The following CADPS variants were observed in gnomAD, a reference collection of about 807,000 sequenced individuals.
CADPS encodes calcium dependent secretion activator.
In CADPS, 57 loss-of-function variants were observed where a neutral mutation model predicts 167.3. The observed-to-expected ratio is 0.34, with a 90% CI of 0.28 to 0.42. CADPS has a LOEUF of 0.42. CADPS is among the 20% of genes least tolerant of loss of function. The pLI, the probability that CADPS is intolerant of heterozygous loss-of-function variation, is 1.00. For synonymous variants in CADPS, 676 were observed against 635.3 expected, an observed-to-expected ratio of 1.06 and a Z score of -0.96; for missense variants, 1,414 against 1,738.1, an observed-to-expected ratio of 0.81 and a Z score of 3.32.
At chr3:62,407,435 G>A (rs769254682) in intron 28 of CADPS, among the ~76,000 whole-genome samples, 13 of 152,150 alleles carry the variant, frequency 8.5e-5, no homozygotes, top group Non-Finnish European at 1.5e-4. Context: ...TTTACGTCTT[G>A]AATTAAAAAG....
intron 1 of CADPS, among the ~76,000 whole-genome samples, chr3:62,825,829 C>T (rs73102775): frequency 4.6e-5 from 7 of 152,160 alleles, no homozygotes; most frequent in African/African-American, 1.7e-4. Context: ...TCTGACTACA[C>T]CTCCAAGTCA....
chr3:62,423,903 A>G (rs2052024570), intron 28 of CADPS, among the ~76,000 whole-genome samples: 1 of 152,248 alleles, frequency 6.6e-6, no homozygotes, highest in East Asian at 1.9e-4. Context: ...GAAAATATAC[A>G]TTTAGAAAAC....
At chr3:62,671,791 C>T (rs1301317447) in intron 3 of CADPS, among the ~76,000 whole-genome samples, 1 of 152,088 alleles carries the variant, frequency 6.6e-6, no homozygotes, top group Non-Finnish European at 1.5e-5. Flanking sequence ...GAGACAGAGT[C>T]TTGCTCTGTC....
At chr3:62,429,769 T>C (rs771558800) in intron 28 of CADPS, among the ~76,000 whole-genome samples, 11 of 151,980 alleles carry the variant, frequency 7.2e-5, no homozygotes, top group African/African-American at 1.2e-4. Flanking sequence ...TTAACAAGAA[T>C]ACTGTGACCT....
intron 28 of CADPS, among the ~76,000 whole-genome samples, chr3:62,409,904 AT>A (rs1227897207): frequency 1.3e-5 from 2 of 152,226 alleles, no homozygotes; most frequent in Non-Finnish European, 2.9e-5. Context: ...GAAGAGAAGA[AT>A]TTTAGGCAAA....
rs555353380 is a variant in CADPS at position 62,736,119 on chromosome 3, T to C, written c.888+17322A>G. On this transcript the variant is annotated intron_variant, in intron 3 of 29. Transcript: ENST00000383710. ...ACAGGTTGGGTTCAAGTTCCAAGGATACCTGTGTTACCTTGAGCCAGTCCT... is the reference window on the plus strand; with the variant it reads ...ACAGGTTGGGTTCAAGTTCCAAGGACACCTGTGTTACCTTGAGCCAGTCCT... Among the ~76,000 whole-genome samples the C allele has an allele frequency of 3.9e-5, 6 of 152,312 alleles. No homozygotes were observed. In the South Asian group the frequency reaches 6.2e-4, roughly 16 times the overall value.
intron 1 of CADPS, among the ~76,000 whole-genome samples, chr3:62,826,896 T>C (rs1283456097): frequency 1.3e-5 from 2 of 152,182 alleles, no homozygotes; most frequent in Non-Finnish European, 2.9e-5. Flanking sequence ...GAAAAGATCT[T>C]TGTTGGAAGA....
At chr3:62,752,468 A>T (rs923498058) in intron 3 of CADPS, among the ~76,000 whole-genome samples, 1 of 152,248 alleles carries the variant, frequency 6.6e-6, no homozygotes, top group Admixed American at 6.5e-5. Context: ...GTGATATATC[A>T]TAGTTGATAA....
intron 26 of CADPS, among the ~76,000 whole-genome samples, chr3:62,454,799 T>G (rs1209210451): frequency 1.3e-5 from 2 of 152,130 alleles, no homozygotes; most frequent in African/African-American, 4.8e-5. Flanking sequence ...GTTGCAGGGC[T>G]ACTGGTTGAT....
intron 6 of CADPS, among the ~76,000 whole-genome samples, chr3:62,594,126 T>A (rs1562616141): frequency 6.7e-6 from 1 of 150,278 alleles, no homozygotes; most frequent in African/African-American, 2.4e-5. Flanking sequence ...TTATGATTTT[T>A]TTTATTTTTT....
chr3:62,550,100 C>T lies in CADPS; in HGVS notation c.1769G>A (p.Arg590Gln). 6.2e-7 allele frequency: 1 copy of T among 1,613,868 alleles called. No homozygotes were observed. The highest frequency in any genetic ancestry group is 8.5e-7 in the Non-Finnish European group (1 of 1,179,824). The change falls in exon 11 of 30, where the codon CGA (arginine) becomes CAA (glutamine). Residue 590 changes from arginine (R) to glutamine (Q), a missense_variant. By Grantham distance (43) the Arg-to-Gln change is conservative. Around this residue, in one of 6 missense-constraint regions of CADPS, gnomAD observed 157 missense variants for 229.4 expected, o/e 0.68. Transcript: ENST00000383710. ...TDPQPGLEGG[R>Q]AFFNAVKEGD... is the part of the protein sequence containing the mutation. ...CTCCTTGACAGCATTGAAGAAGGCT[C>T]GGCCACCCTCCAAACCTGGAAGAAA...
At chr3:62,606,640 T>TA (rs2060732000) in intron 6 of CADPS, among the ~76,000 whole-genome samples, 1 of 152,244 alleles carries the variant, frequency 6.6e-6, no homozygotes, top group Non-Finnish European at 1.5e-5. Flanking sequence ...GACAGTCTCC[T>TA]AGGCAGACTA....
At chr3:62,463,130 T>A (rs1487181384) in intron 26 of CADPS, among the ~76,000 whole-genome samples, 1 of 152,194 alleles carries the variant, frequency 6.6e-6, no homozygotes, top group Admixed American at 6.5e-5. Flanking sequence ...GAATTTCAGT[T>A]TGAACACTTC....
At chr3:62,863,771 A>C (rs1206354683) in intron 1 of CADPS, among the ~76,000 whole-genome samples, 1 of 152,248 alleles carries the variant, frequency 6.6e-6, no homozygotes, top group Non-Finnish European at 1.5e-5. Flanking sequence ...AAACACATGC[A>C]TTCTTTGGTG....
intron 6 of CADPS, among the ~76,000 whole-genome samples, chr3:62,623,156 C>G (rs1048513191): frequency 1.3e-5 from 2 of 152,120 alleles, no homozygotes; most frequent in Non-Finnish European, 2.9e-5. Flanking sequence ...CATTTTCTTT[C>G]TCTGGGAGTA....
chr3:62,485,944 C>T (rs1288704413), intron 21 of CADPS, among the ~76,000 whole-genome samples: 1 of 152,116 alleles, frequency 6.6e-6, no homozygotes, highest in Non-Finnish European at 1.5e-5. Flanking sequence ...CCCAAGGTCA[C>T]CCAGCAAATT....
intron 1 of CADPS, among the ~76,000 whole-genome samples, chr3:62,791,158 G>T (rs1412311391): frequency 2.6e-5 from 4 of 152,152 alleles, no homozygotes; most frequent in African/African-American, 9.7e-5. Flanking sequence ...TCTTAAAGCA[G>T]ATTCTTTTCC....
intron 26 of CADPS, among the ~76,000 whole-genome samples, chr3:62,449,518 A>G (rs567879503): frequency 1.3e-5 from 2 of 152,216 alleles, no homozygotes; most frequent in South Asian, 4.1e-4. Context: ...ATCCATATCC[A>G]TAGGAATATG....
At chr3:62,411,719 G>A (rs1327931150) in intron 28 of CADPS, among the ~76,000 whole-genome samples, 1 of 152,090 alleles carries the variant, frequency 6.6e-6, no homozygotes, top group East Asian at 1.9e-4. Flanking sequence ...ATTCACAGAG[G>A]GTCTGACAAA....
Sources: gnomAD v4.1 joint callset for allele counts (sites outside exome capture counted in the v4.1 genomes callset) on GRCh38, gnomAD v4.1.1 for gene constraint, gnomAD v4.1.1 regional missense constraint, MANE v1.5 for transcripts, NCBI Gene and HGNC (gene_info 2026-07-23, HGNC 2026-07-21) for gene names.